Variants in CD36 observed in about 807,000 individuals in gnomAD.
CD36 encodes platelet glycoprotein 4.
CD36 carries 119 observed loss-of-function variants against 55.2 expected under a neutral mutation model. That is an observed-to-expected ratio of 2.15 (90% CI 1.86 to 2.51). The LOEUF (loss-of-function observed/expected upper bound fraction) is 2.51. CD36 is among the 30% of genes most tolerant of loss of function. The probability of loss-of-function intolerance (pLI) is 0.00; values close to 1 mark genes in which losing one functional copy is unlikely to be tolerated. For missense variants in CD36, 819 were observed against 555.5 expected, an observed-to-expected ratio of 1.47 and a Z score of -4.77; for synonymous variants, 186 against 193.6, an observed-to-expected ratio of 0.96 and a Z score of 0.33.
At position 80,678,505 on chromosome 7, in the gene CD36, A is replaced by C. The variant is rs547989619; in HGVS notation, c.*2122A>C. 2 of 152,294 alleles carry C rather than the reference A, an allele frequency of 1.3e-5. No individual in the cohort carries two copies. The highest frequency in any genetic ancestry group is 4.1e-4 in the South Asian group (2 of 4,826). The allele number at this position is 152,294 out of a possible 1,614,324, so 9.4% of individuals were successfully genotyped here. A position where few individuals can be genotyped will look rare whatever the true frequency, so the allele number is the denominator to read the frequency against. On this transcript the variant is annotated 3_prime_UTR_variant, in exon 15 of 15. Coordinates refer to ENST00000447544, the MANE Select transcript of CD36 (RefSeq NM_001001548.3). ...CTGACAGAAAAGGGTGAAGGAGGGT[A>C]TCATTTCAAGAAAAAAAATAGCTAT... is the stretch of plus-strand genomic sequence containing the variant.
Position 80,674,121 on chromosome 7 carries a change from G to A in CD36, c.1393G>A (p.Ala465Thr). ...TGTTGCTTTTATGATTTCATATTGT[G>A]CATGCAGATCGAAAACAATAAAATA... ...MFVAFMISYC[A>T]CRSKTIK The change falls in exon 14 of 15, where the codon GCA becomes ACA. Residue 465 changes from alanine (A) to threonine (T), a missense_variant. Ala to Thr is a moderately conservative substitution (Grantham distance 58). Transcript: ENST00000447544. 1.2e-6 allele frequency: 2 copies of A among 1,612,020 alleles called. No individual in the cohort carries two copies. Among genetic ancestry groups the A allele is most frequent in the Non-Finnish European group, 1.7e-6 (2 of 1,178,666 alleles).
chr7:80,659,576 C>A (rs967987533), intron 4 of CD36, among the ~76,000 whole-genome samples: 1 of 152,074 alleles, frequency 6.6e-6, no homozygotes, highest in East Asian at 1.9e-4. Flanking sequence ...AACTTTTAAA[C>A]AAAAAATTCA....
Position 80,678,051 on chromosome 7 carries a change from G to A in CD36, c.*1668G>A, listed in dbSNP as rs1798215676. 1 of 151,282 alleles carries A rather than the reference G, an allele frequency of 6.6e-6. No individual in the cohort carries two copies. The allele number at this position is 151,282 out of a possible 1,614,324, so 9.4% of individuals were successfully genotyped here. ...TAGGAAAAATAATTACTTAAGGGGA[G>A]ATTTTTTTTACATGAAATCTGGGCT... On this transcript the variant is annotated 3_prime_UTR_variant, in exon 15 of 15. Coordinates refer to ENST00000447544, the MANE Select transcript of CD36 (RefSeq NM_001001548.3).
chr7:80,656,609 C>T lies in CD36; in HGVS notation c.190C>T (p.Gln64Ter). 1 of 1,613,710 alleles carries T rather than the reference C, an allele frequency of 6.2e-7. No homozygotes were observed. The highest frequency in any genetic ancestry group is 8.5e-7 in the Non-Finnish European group (1 of 1,179,754). Reference protein sequence around the residue: ...WVKTGTEVYRQFWIFDVQNPQ... With the variant: ...WVKTGTEVYR ...TAAAACAGGCACAGAAGTTTACAGACAGTTTTGGATCTTTGATGTGCAAAA... is the reference window on the plus strand; with the variant it reads ...TAAAACAGGCACAGAAGTTTACAGATAGTTTTGGATCTTTGATGTGCAAAA... The change falls in exon 4 of 15, where the codon CAG (glutamine) becomes TAG (stop). Residue 64 changes from glutamine to a stop codon, truncating the protein, a stop_gained. Coordinates refer to ENST00000447544, the MANE Select transcript of CD36 (RefSeq NM_001001548.3). LOFTEE classifies it high-confidence loss of function.
At chr7:80,660,947 C>A in intron 4 of CD36, 116 bp from the exon 5 acceptor site, 1 of 803,958 alleles carries the variant, frequency 1.2e-6, no homozygotes, top group South Asian at 1.4e-5. Flanking sequence ...TGCTTACATA[C>A]TATCTATCTG....
At chr7:80,633,762 A>C (rs990271371), upstream of CD36, among the ~76,000 whole-genome samples, 1 of 152,074 alleles carries the variant, frequency 6.6e-6, no homozygotes, top group African/African-American at 2.4e-5. Flanking sequence ...GTATGTATGT[A>C]TACATTTCCA....
At chr7:80,634,444 T>C (rs578157513), upstream of CD36, among the ~76,000 whole-genome samples, 11 of 152,276 alleles carry the variant, frequency 7.2e-5, no homozygotes, top group East Asian at 2.1e-3. Context: ...TGTATCTGCA[T>C]ATAGCCTTAC....
intron 1 of CD36, among the ~76,000 whole-genome samples, chr7:80,606,268 C>A (rs1206124087): frequency 6.6e-6 from 1 of 151,184 alleles, no homozygotes; most frequent in African/African-American, 2.5e-5. Flanking sequence ...ATACGTAGAT[C>A]TGTGCAACTT....
upstream of CD36, among the ~76,000 whole-genome samples, chr7:80,635,397 C>G (rs1029943868): frequency 6.6e-6 from 1 of 152,066 alleles, no homozygotes; most frequent in Admixed American, 6.6e-5. Flanking sequence ...GTCTCAGCCT[C>G]CTGAGTAGTT....
chr7:80,614,496 G>C (rs1010797904), intron 1 of CD36, among the ~76,000 whole-genome samples: 2 of 152,122 alleles, frequency 1.3e-5, no homozygotes, highest in Non-Finnish European at 2.9e-5. Flanking sequence ...TTCTTTACTT[G>C]AGTCCAGTTC....
chr7:80,673,197 A>G lies in CD36; in HGVS notation c.1200-158A>G, dbSNP rs1797887890. ...ATGTGATTAGAAGACATATAAGAGC[A>G]AAGGAAGTCAAAAACAACTATATTA... On this transcript the variant is annotated intron_variant, in intron 12 of 14. Transcript: ENST00000447544. The G allele has an allele frequency of 1.3e-5, 7 of 531,282 alleles. 1 individual carries two copies. In the South Asian group the frequency reaches 2.2e-4, roughly 16 times the overall value. 32.9% of individuals were successfully genotyped at this position (531,282 alleles called of 1,614,324 possible). A position where few individuals can be genotyped will look rare whatever the true frequency, so the allele number is the denominator to read the frequency against.
At chr7:80,648,955 T>G (rs1300900272) in intron 3 of CD36, among the ~76,000 whole-genome samples, 2 of 152,014 alleles carry the variant, frequency 1.3e-5, no homozygotes, top group East Asian at 1.9e-4. Context: ...CAGAAAAGAT[T>G]AGAAGTTAAC....
intron 13 of CD36, 91 bp downstream of exon 13, chr7:80,673,500 G>A: frequency 1.2e-6 from 1 of 812,276 alleles, no homozygotes; most frequent in Non-Finnish European, 2.2e-6. Flanking sequence ...AGTATTTAAA[G>A]CTATATGTAT....
chr7:80,608,702 A>C (rs552247828), intron 1 of CD36, among the ~76,000 whole-genome samples: 1 of 152,244 alleles, frequency 6.6e-6, no homozygotes, highest in Admixed American at 6.5e-5. Flanking sequence ...CCCTGACAGG[A>C]CTAACTTCAC....
chr7:80,609,418 T>C (rs1226147563), intron 1 of CD36, among the ~76,000 whole-genome samples: 11 of 152,172 alleles, frequency 7.2e-5, no homozygotes, highest in Admixed American at 3.3e-4. Flanking sequence ...CCTCCACCAC[T>C]GTCCTTTAAC....
At position 80,658,459 on chromosome 7, in the gene CD36, G is replaced by T. The variant is rs372971940; in HGVS notation, c.281+1759G>T. On this transcript the variant is annotated intron_variant, in intron 4 of 14. Transcript: ENST00000447544. ...GAACTCATCATGATTTTTTTTGTTT[G>T]TTTGGGGGAAGTTATATTTTTCACT... Among the ~76,000 whole-genome samples, 11 of 151,928 alleles carry T rather than the reference G, an allele frequency of 7.2e-5. No homozygotes were observed. The East Asian group carries it at 1.7e-3, about 24-fold the overall frequency.
rs1554347339 is a variant in CD36 at position 80,674,055 on chromosome 7, C to CTGATAGAAATGATCTTACTCAGTG, written c.1329_1352dup (p.Ile444_Val451dup). The CTGATAGAAATGATCTTACTCAGTG allele has an allele frequency of 1.2e-5, 20 of 1,611,932 alleles. 1 individual carries two copies. The South Asian group carries it at 2.2e-4, about 18-fold the overall frequency. On this transcript the variant is annotated inframe_insertion, in exon 14 of 15. Coordinates refer to ENST00000447544, the MANE Select transcript of CD36 (RefSeq NM_001001548.3). ...AACTGGAAAAATAAACCTCCTTGGC[C>CTGATAGAAATGATCTTACTCAGTG]TGATAGAAATGATCTTACTCAGTGT...
chr7:80,656,656 C>G lies in CD36; in HGVS notation c.237C>G (p.Asn79Lys), dbSNP rs746841313. 2.5e-6 allele frequency: 4 copies of G among 1,613,620 alleles called. No homozygotes were observed. Among genetic ancestry groups the G allele is most frequent in the Admixed American group, 3.3e-5 (2 of 59,972 alleles). Residue 79 changes from asparagine (N) to lysine (K), a missense_variant, in exon 4 of 15, where the codon AAC becomes AAG. Asn to Lys is a moderately conservative substitution (Grantham distance 94). Transcript: ENST00000447544. ...AAAATCCACAGGAAGTGATGATGAA[C>G]AGCAGCAACATTCAAGTTAAGCAAA... Reference protein sequence around the residue: ...DVQNPQEVMMNSSNIQVKQRG... With the variant: ...DVQNPQEVMMKSSNIQVKQRG...
rs747298466 is a variant in CD36, at chr7:80,650,238, G to A, written c.120+3378G>A. On this transcript the variant is annotated intron_variant, in intron 3 of 14. Coordinates refer to ENST00000447544, the MANE Select transcript of CD36 (RefSeq NM_001001548.3). Reference sequence around the variant, plus strand: ...ACTCATCATCAGAATCCTTATATTGGTCAAGATGTATGGTACATTTAAGGC... The same window carrying A: ...ACTCATCATCAGAATCCTTATATTGATCAAGATGTATGGTACATTTAAGGC... 2.6e-5 allele frequency among the ~76,000 whole-genome samples: 4 copies of A among 152,076 alleles called. No individual in the cohort carries two copies. In the South Asian group the frequency reaches 6.2e-4, roughly 24 times the overall value.
Sources: allele counts gnomAD v4.1 joint callset (sites outside exome capture counted in the v4.1 genomes callset), GRCh38; gene constraint gnomAD v4.1.1; transcripts MANE v1.5; gene names NCBI Gene and HGNC (gene_info 2026-07-23, HGNC 2026-07-21).